RYR2: variants seen among roughly 807,000 people sequenced by gnomAD.
RYR2 encodes the protein ryanodine receptor 2.
In RYR2, 227 loss-of-function variants were observed where a neutral mutation model predicts 601.1. That is an observed-to-expected ratio of 0.38 (90% CI 0.34 to 0.42). The LOEUF (loss-of-function observed/expected upper bound fraction) is 0.42, where lower values mean the gene tolerates loss of function less well. RYR2 is among the 10% of genes least tolerant of loss of function. The probability of loss-of-function intolerance (pLI) is 1.00; values close to 1 mark genes in which losing one functional copy is unlikely to be tolerated. For synonymous variants in RYR2, 2,223 were observed against 2,175.1 expected (o/e 1.02, Z -0.61); for missense variants, 4,646 against 6,156.5 (o/e 0.75, Z 8.21).
intron 17 of RYR2, among the ~76,000 whole-genome samples, chr1:237,481,886 A>T (rs992637586): frequency 6.7e-6 from 1 of 149,690 alleles, no homozygotes; most frequent in Non-Finnish European, 1.5e-5. Flanking sequence ...TAGCTAGACC[A>T]TGTCTTCTCT....
In RYR2 at chr1:237,614,060, G is replaced by A. The variant is rs1157887258; in HGVS notation, c.4932G>A (p.Leu1644=). The A allele has an allele frequency of 4.3e-6, 7 of 1,613,336 alleles. No individual in the cohort carries two copies. The highest frequency in any genetic ancestry group is 5.9e-6 in the Non-Finnish European group (7 of 1,179,388). Residue 1644 remains leucine (L), a synonymous_variant, in exon 37 of 105, where the codon TTG becomes TTA. Transcript: ENST00000366574. The surrounding 1 kb of genome is among the most constrained non-coding windows in gnomAD (Gnocchi z 4.3). The stretch of plus-strand genomic sequence containing the variant: ...ACAGATCTGTTGACATCTTAGAGTT[G>A]ACAGAGCAGGAGGAATTGCTGAAAT... The part of the protein sequence containing the change: ...EENRSVDILE[L]TEQEELLKFH...
intron 1 of RYR2, among the ~76,000 whole-genome samples, chr1:237,174,305 C>T (rs1032811235): frequency 2.0e-5 from 3 of 152,070 alleles, no homozygotes; most frequent in Admixed American, 2.0e-4. Context: ...AGATTAGTGG[C>T]AACATTAAAG....
At chr1:237,260,152 C>T (rs1211840262) in intron 1 of RYR2, among the ~76,000 whole-genome samples, 1 of 152,142 alleles carries the variant, frequency 6.6e-6, no homozygotes, top group African/African-American at 2.4e-5. Context: ...AAAGTGATAA[C>T]ATTGGGAACT....
intron 74 of RYR2, among the ~76,000 whole-genome samples, chr1:237,724,184 C>CATAT (rs35705894): frequency 0.01 from 1,372 of 136,852 alleles, 14 homozygotes; most frequent in African/African-American, 0.022. Flanking sequence ...TGTGTGTGTG[C>CATAT]ATATATATAT....
chr1:237,791,006 G>A (rs1658315678), intron 92 of RYR2, among the ~76,000 whole-genome samples: 1 of 151,416 alleles, frequency 6.6e-6, no homozygotes, highest in African/African-American at 2.4e-5. Flanking sequence ...CTCTGCCCTT[G>A]TTGCTCCTCT....
At chr1:237,219,613 G>C (rs901767472) in intron 1 of RYR2, among the ~76,000 whole-genome samples, 2 of 152,168 alleles carry the variant, frequency 1.3e-5, no homozygotes, top group African/African-American at 4.8e-5. Flanking sequence ...GGCTGTGTTG[G>C]GGAGGAATGA....
chr1:237,278,197 G>A (rs1391680206), intron 2 of RYR2, among the ~76,000 whole-genome samples: 2 of 149,396 alleles, frequency 1.3e-5, no homozygotes, highest in Non-Finnish European at 3.0e-5. Context: ...CAGCCTTCCA[G>A]GTATCTACGA....
chr1:237,672,709 C>A (rs971071591), intron 58 of RYR2, among the ~76,000 whole-genome samples: 2 of 152,106 alleles, frequency 1.3e-5, no homozygotes. Context: ...TTGATTAGGA[C>A]AAAAGTCAAA....
At chr1:237,222,507 A>G (rs960388288) in intron 1 of RYR2, among the ~76,000 whole-genome samples, 8 of 151,982 alleles carry the variant, frequency 5.3e-5, no homozygotes, top group Admixed American at 3.9e-4. Context: ...CTCTTCAAAC[A>G]TACTCCAAAC....
intron 2 of RYR2, among the ~76,000 whole-genome samples, chr1:237,288,639 G>T (rs1473502640): frequency 1.3e-5 from 2 of 152,042 alleles, no homozygotes; most frequent in African/African-American, 4.8e-5. Context: ...GCAAACAGAA[G>T]GGCCAGTCGT....
chr1:237,762,721 T>G (rs1693525456), intron 84 of RYR2, among the ~76,000 whole-genome samples: 1 of 152,258 alleles, frequency 6.6e-6, no homozygotes, highest in Non-Finnish European at 1.5e-5. Context: ...GGAGATTGAT[T>G]TAACTTGTGC....
chr1:237,358,198 C>T (rs1699465834), intron 4 of RYR2, among the ~76,000 whole-genome samples: 1 of 152,112 alleles, frequency 6.6e-6, no homozygotes, highest in African/African-American at 2.4e-5. Flanking sequence ...GTGAAATACC[C>T]CACAGACATT....
At chr1:237,459,726 G>T (rs991532239) in intron 16 of RYR2, among the ~76,000 whole-genome samples, 2 of 152,088 alleles carry the variant, frequency 1.3e-5, no homozygotes, top group Admixed American at 6.6e-5. Flanking sequence ...GTTATTTGGG[G>T]ATTAAATTTG....
chr1:237,256,437 C>T (rs1198632327), intron 1 of RYR2, among the ~76,000 whole-genome samples: 1 of 152,102 alleles, frequency 6.6e-6, no homozygotes, highest in African/African-American at 2.4e-5. Context: ...AGAAAGGAAA[C>T]CAAATTTTCA....
chr1:237,187,821 TTA>T (rs1558392328), intron 1 of RYR2, among the ~76,000 whole-genome samples: 1 of 151,868 alleles, frequency 6.6e-6, no homozygotes, highest in Non-Finnish European at 1.5e-5. Flanking sequence ...TGTCCAGAGA[TTA>T]TTTGAGATTA....
chr1:237,317,602 A>G (rs898805908), intron 2 of RYR2, among the ~76,000 whole-genome samples: 3 of 152,106 alleles, frequency 2.0e-5, no homozygotes, highest in African/African-American at 2.4e-5. Context: ...GGTGTTTCCA[A>G]TGTATGCAAT....
At chr1:237,583,429 A>G (rs1482771015) in intron 29 of RYR2, among the ~76,000 whole-genome samples, 1 of 152,162 alleles carries the variant, frequency 6.6e-6, no homozygotes, top group Non-Finnish European at 1.5e-5. Context: ...TTAACTACCT[A>G]TAGAAACTTA....
intron 23 of RYR2, among the ~76,000 whole-genome samples, chr1:237,509,699 T>G (rs1395516757): frequency 1.3e-5 from 2 of 152,236 alleles, no homozygotes; most frequent in Admixed American, 6.5e-5. Context: ...TCCTCTTTAG[T>G]TGAATGATTG....
chr1:237,389,381 T>C (rs886213149), intron 10 of RYR2, among the ~76,000 whole-genome samples: 1 of 152,200 alleles, frequency 6.6e-6, no homozygotes. Context: ...GGCTGGCTTC[T>C]ATTCTGAGGT....
Sources: allele counts gnomAD v4.1 joint callset (sites outside exome capture counted in the v4.1 genomes callset), GRCh38; gene constraint gnomAD v4.1.1; non-coding constraint Gnocchi (gnomAD v3.1); transcripts MANE v1.5; gene names NCBI Gene and HGNC (gene_info 2026-07-23, HGNC 2026-07-21).